RPS6KA1: variants seen among roughly 807,000 people sequenced by gnomAD.
The protein encoded by RPS6KA1 is ribosomal protein S6 kinase A1.
A neutral mutation model predicts 91.3 loss-of-function variants in RPS6KA1; 48 were observed. That is an observed-to-expected ratio of 0.53 (90% confidence interval 0.42 to 0.67). The LOEUF (loss-of-function observed/expected upper bound fraction) is 0.67. Ranked by LOEUF, RPS6KA1 falls within the 30% of genes least tolerant of loss-of-function variation. The pLI, the probability that RPS6KA1 is intolerant of heterozygous loss-of-function variation, is 0.00. For missense variants in RPS6KA1, 719 were observed against 960.5 expected (o/e 0.75, Z 3.32); for synonymous variants, 359 against 384.7 (o/e 0.93, Z 0.78).
Position 26,561,249 on chromosome 1 carries a change from G to A in RPS6KA1, c.1431+115G>A. 13 of 1,074,714 alleles carry A rather than the reference G, an allele frequency of 1.2e-5. No homozygotes were observed. In the South Asian group the frequency reaches 1.6e-4, roughly 13 times the overall value. 66.6% of individuals were successfully genotyped at this position (1,074,714 alleles called of 1,614,324 possible). A position where few individuals can be genotyped will look rare whatever the true frequency, so the allele number is the denominator to read the frequency against. ...CTCTTTCCAGTGGTCATGTGGAGGG[G>A]AAGGAGGTCCCTTGGTCCCTTCAGT... On this transcript the variant is annotated intron_variant, in intron 16 of 21. Coordinates refer to ENST00000374168, the MANE Select transcript of RPS6KA1 (RefSeq NM_002953.4). The surrounding 1 kb of genome is among the most constrained non-coding windows in gnomAD (Gnocchi z 5.7).
At position 26,572,200 on chromosome 1, in the gene RPS6KA1, C is replaced by T. The variant is rs1400867144; in HGVS notation, c.1854C>T (p.Pro618=). The T allele has an allele frequency of 6.2e-7, 1 of 1,613,916 alleles. No individual in the cohort carries two copies. The highest frequency in any genetic ancestry group is 8.5e-7 in the Non-Finnish European group (1 of 1,179,992). ...LAGYTPFANG[P]SDTPEEILTR... ...GATATACTCCATTTGCCAACGGTCC[C>T]AGTGACACACCAGAGGAAATCCTAA... Residue 618 remains proline (P), a synonymous_variant, in exon 20 of 22, where the codon CCC becomes CCT. Coordinates refer to ENST00000374168, the MANE Select transcript of RPS6KA1 (RefSeq NM_002953.4).
Position 26,553,463 on chromosome 1 carries a change from C to T in RPS6KA1, c.541C>T (p.Leu181=), listed in dbSNP as rs755737010. Residue 181 remains leucine, a synonymous_variant, in exon 7 of 22, where the codon CTG becomes TTG. Coordinates refer to ENST00000374168, the MANE Select transcript of RPS6KA1 (RefSeq NM_002953.4). ...LALGLDHLHS[L]GIIYRDLKPE... ...TCTGGGCCTGGATCACCTGCACAGC[C>T]TGGGTATCATTTACAGAGACCTCAA... 55 of 1,612,762 alleles carry T rather than the reference C, an allele frequency of 3.4e-5. No homozygotes were observed. Among genetic ancestry groups the T allele is most frequent in the Middle Eastern group, 3.3e-4 (2 of 6,074 alleles).
Position 26,574,604 on chromosome 1 carries a change from GGCCACCTGTA to G in RPS6KA1, c.*408_*417del. On this transcript the variant is annotated 3_prime_UTR_variant, in exon 22 of 22. Transcript: ENST00000374168. The surrounding 1 kb of genome is among the most constrained non-coding windows in gnomAD (Gnocchi z 4.3). ...TCCCACCCTGGGGACCCCCACGATT[GGCCACCTGTA>G]GCCATCTGCACACACCTCCGAGACA... is the stretch of plus-strand genomic sequence containing the variant. 2 of 388,226 alleles carry G rather than the reference GGCCACCTGTA, an allele frequency of 5.2e-6. No homozygotes were observed. Among genetic ancestry groups the G allele is most frequent in the East Asian group, 1.4e-4 (2 of 14,174 alleles). The allele number at this position is 388,226 out of a possible 1,614,324, so 24.0% of individuals were successfully genotyped here.
intron 7 of RPS6KA1, 41 bp downstream of exon 7, chr1:26,553,538 A>T (rs772903320): frequency 1.4e-4 from 200 of 1,383,130 alleles, no homozygotes; most frequent in Non-Finnish European, 1.9e-4. Context: ...TCCCCAGGGG[A>T]GGCCTCTTCT....
At chr1:26,565,807 C>G (rs762458968) in intron 17 of RPS6KA1, among the ~76,000 whole-genome samples, 1 of 152,136 alleles carries the variant, frequency 6.6e-6, no homozygotes, top group African/African-American at 2.4e-5. Context: ...AGTGATCCAC[C>G]GGTCTCGGCC....
chr1:26,545,718 G>C, intron 2 of RPS6KA1: 1 of 822,134 alleles, frequency 1.2e-6, no homozygotes, highest in East Asian at 3.4e-5. Flanking sequence ...GGGAGAGAGA[G>C]GAAGGGAACG....
intron 2 of RPS6KA1, chr1:26,544,218 GTC>G (rs1557493723): frequency 2.2e-6 from 1 of 456,246 alleles, no homozygotes; most frequent in Admixed American, 2.3e-5. Flanking sequence ...CTCTCCCGCT[GTC>G]TCTCTTTGCT....
chr1:26,555,212 T>C lies in RPS6KA1; in HGVS notation c.818T>C (p.Leu273Pro). Reference sequence around the variant, plus strand: ...AAGGACCGGAAGGAGACCATGACACTGATTCTGAAGTAAGCCCCAGCCCTG... The same window carrying C: ...AAGGACCGGAAGGAGACCATGACACCGATTCTGAAGTAAGCCCCAGCCCTG... ...QGKDRKETMT[L>P]ILKAKLGMPQ... Residue 273 changes from leucine (L) to proline (P), a missense_variant, in exon 10 of 22, where the codon CTG (leucine) becomes CCG (proline). Around this residue, in one of 5 missense-constraint regions of RPS6KA1, gnomAD observed 228 missense variants for 247.6 expected, o/e 0.92. Coordinates refer to ENST00000374168, the MANE Select transcript of RPS6KA1 (RefSeq NM_002953.4). This position sits in a 1 kb window ranked among gnomAD's most constrained non-coding sequence, Gnocchi z 4.3. 2 of 1,614,100 alleles carry C rather than the reference T, an allele frequency of 1.2e-6. No individual in the cohort carries two copies. The highest frequency in any genetic ancestry group is 1.7e-6 in the Non-Finnish European group (2 of 1,180,000).
intron 17 of RPS6KA1, among the ~76,000 whole-genome samples, chr1:26,563,045 G>A (rs569248279): frequency 6.7e-4 from 102 of 151,720 alleles, no homozygotes; most frequent in African/African-American, 2.4e-3. Context: ...CACCATGTTG[G>A]CCAGGCTGGT....
rs1303223375 is a variant in RPS6KA1 at position 26,561,626 on chromosome 1, C to T, written c.1553C>T (p.Thr518Ile). The stretch of plus-strand genomic sequence containing the variant: ...CGGGAGGCCAGCTTTGTCCTGCACA[C>T]CATTGGCAAAACTGTGGAGTATCTG... ...SEREASFVLH[T>I]IGKTVEYLHS... The change falls in exon 17 of 22, where the codon ACC becomes ATC. Residue 518 changes from threonine (T) to isoleucine (I), a missense_variant. This residue lies in a region of RPS6KA1 where 249 missense variants were observed against 323.1 expected (regional missense o/e 0.77). Coordinates refer to ENST00000374168, the MANE Select transcript of RPS6KA1 (RefSeq NM_002953.4). This position sits in a 1 kb window ranked among gnomAD's most constrained non-coding sequence, Gnocchi z 5.7. 2 of 1,612,734 alleles carry T rather than the reference C, an allele frequency of 1.2e-6. No individual in the cohort carries two copies. Among genetic ancestry groups the T allele is most frequent in the East Asian group, 2.2e-5 (1 of 44,874 alleles).
chr1:26,553,495 G>A lies in RPS6KA1; in HGVS notation c.573G>A (p.Glu191=), dbSNP rs771365818. Residue 191 remains glutamate (E), a splice_region_variant and synonymous_variant, in exon 7 of 22, where the codon GAG becomes GAA. Coordinates refer to ENST00000374168, the MANE Select transcript of RPS6KA1 (RefSeq NM_002953.4). Reference sequence around the variant, plus strand: ...TCATTTACAGAGACCTCAAGCCTGAGAAGTGAGTGAAGCCTCCAGCCCCAC... The same window carrying A: ...TCATTTACAGAGACCTCAAGCCTGAAAAGTGAGTGAAGCCTCCAGCCCCAC... ...LGIIYRDLKP[E]NILLDEEGHI... is the part of the protein sequence containing the mutation. The A allele has an allele frequency of 8.1e-6, 13 of 1,602,684 alleles. No individual in the cohort carries two copies. The highest frequency in any genetic ancestry group is 1.0e-5 in the Non-Finnish European group (12 of 1,171,110).
At chr1:26,564,651 C>A in intron 17 of RPS6KA1, among the ~76,000 whole-genome samples, 1 of 152,178 alleles carries the variant, frequency 6.6e-6, no homozygotes, top group Non-Finnish European at 1.5e-5. Flanking sequence ...CAGAATCTTG[C>A]ATGAGTCGAG....
At chr1:26,553,692 A>G (rs2076074159) in intron 7 of RPS6KA1, 195 bp downstream of exon 7, 1 of 382,726 alleles carries the variant, frequency 2.6e-6, no homozygotes. Flanking sequence ...AGGGCCAGGT[A>G]CTTTGCATGC....
intron 4 of RPS6KA1, among the ~76,000 whole-genome samples, chr1:26,550,180 ATT>A (rs749615792): frequency 5.5e-4 from 58 of 106,240 alleles, no homozygotes; most frequent in African/African-American, 8.8e-4. Flanking sequence ...CGCCTGGCCA[ATT>A]TTTTTTTTTT....
intron 2 of RPS6KA1, chr1:26,546,056 G>C (rs2075992502): frequency 6.2e-7 from 1 of 1,609,340 alleles, no homozygotes; most frequent in Non-Finnish European, 8.5e-7. Context: ...CCGAATGTCT[G>C]GTCCTGACCT....
intron 17 of RPS6KA1, among the ~76,000 whole-genome samples, chr1:26,567,362 T>G (rs1284804028): frequency 6.6e-6 from 1 of 151,868 alleles, no homozygotes. Context: ...ATCTGGTCTC[T>G]AGGGTTTTTT....
Position 26,547,036 on chromosome 1 carries a change from G to A in RPS6KA1, c.225+53G>A. The A allele has an allele frequency of 6.5e-7, 1 of 1,546,254 alleles. No individual in the cohort carries two copies. ...GCAACACTCGTCATGTTAGAGGTGGGGGTCAAGGGTCACCTAGGGGCCCAA... is the reference window on the plus strand; with the variant it reads ...GCAACACTCGTCATGTTAGAGGTGGAGGTCAAGGGTCACCTAGGGGCCCAA... On this transcript the variant is annotated intron_variant, in intron 3 of 21. Coordinates refer to ENST00000374168, the MANE Select transcript of RPS6KA1 (RefSeq NM_002953.4). The surrounding 1 kb of genome is among the most constrained non-coding windows in gnomAD (Gnocchi z 4.1).
intron 14 of RPS6KA1, among the ~76,000 whole-genome samples, chr1:26,559,571 G>A (rs797010269): frequency 8.0e-5 from 12 of 150,648 alleles, no homozygotes; most frequent in African/African-American, 2.9e-4. Flanking sequence ...GTAGAGACGG[G>A]GTTTTACCAT....
At chr1:26,535,072 T>C (rs1426302572) in intron 1 of RPS6KA1, among the ~76,000 whole-genome samples, 1 of 151,978 alleles carries the variant, frequency 6.6e-6, no homozygotes, top group Non-Finnish European at 1.5e-5. Context: ...GCAGGAATTA[T>C]GTCAAGAGTC....
Sources: allele counts gnomAD v4.1 joint callset (sites outside exome capture counted in the v4.1 genomes callset), GRCh38; gene constraint gnomAD v4.1.1; regional missense constraint gnomAD v4.1.1; non-coding constraint Gnocchi (gnomAD v3.1); transcripts MANE v1.5; gene names NCBI Gene and HGNC (gene_info 2026-07-23, HGNC 2026-07-21).